LRP5: variants seen among roughly 807,000 people sequenced by gnomAD.
The protein encoded by LRP5 is LDL receptor related protein 5.
LRP5 carries 62 observed loss-of-function variants against 154.1 expected under a neutral mutation model. The observed-to-expected ratio is 0.40, with a 90% CI of 0.33 to 0.50. The LOEUF (loss-of-function observed/expected upper bound fraction) is 0.50, where lower values mean the gene tolerates loss of function less well. Among genes scored for constraint, LRP5 ranks in the 20% least tolerant of loss-of-function variants. The pLI is 0.55. For missense variants in LRP5, 1,915 were observed against 2,336.7 expected (o/e 0.82, Z 3.72); for synonymous variants, 966 against 1,011.5 (o/e 0.96, Z 0.85).
chr11:68,320,127 A>G (rs1316906865), intron 1 of LRP5, among the ~76,000 whole-genome samples: 3 of 152,174 alleles, frequency 2.0e-5, no homozygotes, highest in Admixed American at 6.5e-5. Context: ...CAGCACTGCA[A>G]CAGATCTAGC....
intron 13 of LRP5, among the ~76,000 whole-genome samples, chr11:68,421,089 T>C (rs941017371): frequency 6.6e-6 from 1 of 151,942 alleles, no homozygotes; most frequent in African/African-American, 2.4e-5. Flanking sequence ...TAGCCAGGTG[T>C]GGTGGCGGGC....
In LRP5 at chr11:68,407,346, A is replaced by G. The variant is rs186993509; in HGVS notation, c.2091+533A>G. On this transcript the variant is annotated intron_variant, in intron 9 of 22. Transcript: ENST00000294304. ...ACCACACCCAGCTAATTTTTTTTATATTTTTAGTAGAGACAGGGTTTCATC... is the reference window on the plus strand; with the variant it reads ...ACCACACCCAGCTAATTTTTTTTATGTTTTTAGTAGAGACAGGGTTTCATC... Among the ~76,000 whole-genome samples, 46 of 151,174 alleles carry G rather than the reference A, an allele frequency of 3.0e-4. 1 individual carries two copies. In the East Asian group the frequency reaches 6.3e-3, roughly 21 times the overall value.
At chr11:68,319,603 G>T (rs1196008537) in intron 1 of LRP5, among the ~76,000 whole-genome samples, 4 of 152,098 alleles carry the variant, frequency 2.6e-5, no homozygotes, top group African/African-American at 9.7e-5. Flanking sequence ...GGATCTTCCT[G>T]CCTCAGCCTC....
chr11:68,396,348 G>T (rs2098649346), intron 7 of LRP5, among the ~76,000 whole-genome samples: 1 of 152,196 alleles, frequency 6.6e-6, no homozygotes, highest in Non-Finnish European at 1.5e-5. Context: ...CCTTTGCTGG[G>T]GAGTGGTGGG....
intron 1 of LRP5, among the ~76,000 whole-genome samples, chr11:68,344,831 A>C (rs1052733878): frequency 2.3e-5 from 3 of 132,700 alleles, no homozygotes; most frequent in African/African-American, 8.4e-5. Flanking sequence ...ATGTTGTAGC[A>C]TGTGTCAGAA....
rs2098667182 is a variant in LRP5 at position 68,423,779 on chromosome 11, G to A, written c.3236+82G>A. 2.9e-6 allele frequency: 4 copies of A among 1,399,704 alleles called. No homozygotes were observed. Among genetic ancestry groups the A allele is most frequent in the Non-Finnish European group, 3.9e-6 (4 of 1,017,754 alleles). 86.7% of individuals were successfully genotyped at this position (1,399,704 alleles called of 1,614,324 possible). The stretch of plus-strand genomic sequence containing the variant: ...TTCTGCCGAATGCCAGCCTCTCACA[G>A]GCTGGGGAGACTTTCCACCCTGGGG... On this transcript the variant is annotated intron_variant, in intron 14 of 22. Transcript: ENST00000294304. The surrounding 1 kb of genome is among the most constrained non-coding windows in gnomAD (Gnocchi z 4.7).
At chr11:68,419,026 C>G (rs1461660150) in intron 13 of LRP5, among the ~76,000 whole-genome samples, 1 of 152,116 alleles carries the variant, frequency 6.6e-6, no homozygotes, top group Non-Finnish European at 1.5e-5. Context: ...TGCTTTTCCC[C>G]TCCTGTGTCT....
Position 68,448,918 on chromosome 11 carries a change from T to C in LRP5, c.4696T>C (p.Leu1566=), listed in dbSNP as rs2098682905. The change falls in exon 23 of 23, where the codon TTG becomes CTG. Residue 1566 remains leucine, a synonymous_variant. Transcript: ENST00000294304. ...GAAGGCCAGCAAGTACTACCTGGATTTGAACTCGGACTCAGACCCCTATCC... is the reference window on the plus strand; with the variant it reads ...GAAGGCCAGCAAGTACTACCTGGATCTGAACTCGGACTCAGACCCCTATCC... ...RWKASKYYLD[L]NSDSDPYPPP... 9 of 1,613,582 alleles carry C rather than the reference T, an allele frequency of 5.6e-6. No homozygotes were observed. Among genetic ancestry groups the C allele is most frequent in the Non-Finnish European group, 7.6e-6 (9 of 1,179,954 alleles).
chr11:68,341,059 C>CTTTTTTTT (rs576462333), intron 1 of LRP5, among the ~76,000 whole-genome samples: 13 of 83,466 alleles, frequency 1.6e-4, no homozygotes, highest in African/African-American at 3.8e-4. Context: ...GGAGATTGTT[C>CTTTTTTTT]TTTTTTTTTT....
chr11:68,377,141 C>T (rs1041428734), intron 5 of LRP5, among the ~76,000 whole-genome samples: 3 of 152,124 alleles, frequency 2.0e-5, no homozygotes, highest in African/African-American at 4.8e-5. Flanking sequence ...AGCCATGGGC[C>T]TGAGGTTGTG....
intron 1 of LRP5, among the ~76,000 whole-genome samples, chr11:68,336,562 G>A (rs184864717): frequency 1.5e-4 from 23 of 152,176 alleles, no homozygotes; most frequent in African/African-American, 5.1e-4. Context: ...TCTGCCTCCC[G>A]GTTTCAAGCT....
chr11:68,447,010 C>A lies in LRP5; in HGVS notation c.4586+477C>A, dbSNP rs1018517537. ...CGTCACCAGGATGGTCCGGGCTGCTCACTTGCCACAGTGGCCTGTTTGAGC... is the reference window on the plus strand; with the variant it reads ...CGTCACCAGGATGGTCCGGGCTGCTAACTTGCCACAGTGGCCTGTTTGAGC... On this transcript the variant is annotated intron_variant, in intron 22 of 22. Transcript: ENST00000294304. The surrounding 1 kb of genome is among the most constrained non-coding windows in gnomAD (Gnocchi z 4.3). 1.0e-5 allele frequency: 2 copies of A among 197,416 alleles called. No homozygotes were observed. The highest frequency in any genetic ancestry group is 4.6e-5 in the African/African-American group (2 of 43,146). 12.2% of individuals were successfully genotyped at this position (197,416 alleles called of 1,614,324 possible).
At chr11:68,321,948 T>G (rs2098596990) in intron 1 of LRP5, among the ~76,000 whole-genome samples, 1 of 152,202 alleles carries the variant, frequency 6.6e-6, no homozygotes, top group African/African-American at 2.4e-5. Flanking sequence ...TCTGGCCACC[T>G]TGGGTTCTGC....
chr11:68,411,483 C>A lies in LRP5; in HGVS notation c.2366C>A (p.Ala789Asp). The A allele has an allele frequency of 1.2e-6, 2 of 1,613,440 alleles. No homozygotes were observed. Among genetic ancestry groups the A allele is most frequent in the Non-Finnish European group, 1.7e-6 (2 of 1,180,052 alleles). The change falls in exon 11 of 23, where the codon GCC (alanine) becomes GAC (aspartate). Residue 789 changes from alanine to aspartate, a missense_variant. Ala to Asp is a moderately radical substitution (Grantham distance 126). This residue lies in a region of LRP5 where 773 missense variants were observed against 1,100.9 expected (regional missense o/e 0.70). Transcript: ENST00000294304. ...EWGGKPRIVR[A>D]FMDGTNCMTL... ...GGCGGCAAGCCGAGGATCGTGCGGGCCTTCATGGACGGGACCAACTGCATG... is the reference window on the plus strand; with the variant it reads ...GGCGGCAAGCCGAGGATCGTGCGGGACTTCATGGACGGGACCAACTGCATG...
At chr11:68,437,257 C>T (rs975529539) in intron 19 of LRP5, among the ~76,000 whole-genome samples, 3 of 152,220 alleles carry the variant, frequency 2.0e-5, no homozygotes, top group South Asian at 2.1e-4. Flanking sequence ...GCCTGCAGCA[C>T]GCACCCACCC....
At chr11:68,417,073 C>T (rs2098662993) in intron 13 of LRP5, among the ~76,000 whole-genome samples, 1 of 152,320 alleles carries the variant, frequency 6.6e-6, no homozygotes, top group Non-Finnish European at 1.5e-5. Flanking sequence ...AGCTATATCC[C>T]ACAATACTGT....
At chr11:68,400,797 T>G (rs2098652242) in intron 7 of LRP5, among the ~76,000 whole-genome samples, 1 of 152,084 alleles carries the variant, frequency 6.6e-6, no homozygotes, top group African/African-American at 2.4e-5. Flanking sequence ...ATACCCGTAA[T>G]CCCAGCACTT....
intron 8 of LRP5, among the ~76,000 whole-genome samples, chr11:68,405,866 G>A (rs1340135477): frequency 6.6e-6 from 1 of 152,236 alleles, no homozygotes; most frequent in East Asian, 1.9e-4. Flanking sequence ...CGGAGGAAGG[G>A]CCTAGCTGGG....
intron 5 of LRP5, among the ~76,000 whole-genome samples, chr11:68,368,089 CT>C (rs1197832454): frequency 3.3e-5 from 5 of 149,660 alleles, no homozygotes; most frequent in Admixed American, 6.6e-5. Flanking sequence ...AAAAATGCAG[CT>C]CGTCCTGGCT....
Sources: allele counts gnomAD v4.1 joint callset (sites outside exome capture counted in the v4.1 genomes callset), GRCh38; gene constraint gnomAD v4.1.1; regional missense constraint gnomAD v4.1.1; non-coding constraint Gnocchi (gnomAD v3.1); transcripts MANE v1.5; gene names NCBI Gene and HGNC (gene_info 2026-07-23, HGNC 2026-07-21).